CCDC88A: variants seen among roughly 807,000 people sequenced by gnomAD.
CCDC88A encodes girdin.
CCDC88A carries 54 observed loss-of-function variants against 234.3 expected under a neutral mutation model. That is an observed-to-expected ratio of 0.23 (90% CI 0.19 to 0.29). CCDC88A has a LOEUF of 0.29. CCDC88A is among the 10% of genes least tolerant of loss of function. CCDC88A has a pLI of 1.00. For missense variants in CCDC88A, 1,832 were observed against 2,123.4 expected (o/e 0.86, Z 2.70); for synonymous variants, 753 against 737.8 (o/e 1.02, Z -0.33).
intron 3 of CCDC88A, among the ~76,000 whole-genome samples, chr2:55,386,715 G>T (rs1262281759): frequency 6.6e-6 from 1 of 151,100 alleles, no homozygotes; most frequent in African/African-American, 2.4e-5. Context: ...CAAGTGATCC[G>T]CCCACCTCGG....
intron 2 of CCDC88A, among the ~76,000 whole-genome samples, chr2:55,398,832 T>TC (rs1400095963): frequency 1.3e-5 from 2 of 149,948 alleles, no homozygotes; most frequent in Non-Finnish European, 3.0e-5. Context: ...ACCATCGCAC[T>TC]CCCACCTGGG....
chr2:55,337,364 T>C (rs1390648103), intron 13 of CCDC88A: 2 of 152,186 alleles, frequency 1.3e-5, no homozygotes, highest in Non-Finnish European at 2.9e-5. Flanking sequence ...TTACGCATTT[T>C]AGAGATGAAA....
In CCDC88A at chr2:55,387,070, G is replaced by A. The variant is rs183312766; in HGVS notation, c.273+1708C>T. Among the ~76,000 whole-genome samples the A allele has an allele frequency of 6.2e-4, 93 of 150,968 alleles. 1 individual carries two copies. Among genetic ancestry groups the A allele is most frequent in the Non-Finnish European group, 1.2e-3 (79 of 67,782 alleles). ...TGGGCACCTGTAATCCCTGCTACTC[G>A]GGCAGCTGAGGCAGGAGAATTGCTG... is the stretch of plus-strand genomic sequence containing the variant. On this transcript the variant is annotated intron_variant, in intron 3 of 32. Coordinates refer to ENST00000436346, the MANE Select transcript of CCDC88A (RefSeq NM_001365480.1).
At chr2:55,337,164 A>G (rs145482232) in intron 13 of CCDC88A, 5,462 of 170,738 alleles carry the variant, frequency 0.032, 208 homozygotes, top group Admixed American at 0.12. Context: ...GTAAAATTTT[A>G]CTTATACTCA....
intron 7 of CCDC88A, among the ~76,000 whole-genome samples, chr2:55,360,246 T>C (rs1389039326): frequency 6.6e-6 from 1 of 152,122 alleles, no homozygotes; most frequent in Admixed American, 6.6e-5. Context: ...TGACCAAATA[T>C]ATACTTTTTA....
intron 8 of CCDC88A, among the ~76,000 whole-genome samples, chr2:55,351,942 G>A (rs1163409063): frequency 6.6e-6 from 1 of 152,064 alleles, no homozygotes; most frequent in African/African-American, 2.4e-5. Flanking sequence ...CCTGGAAAAC[G>A]TTATGCTAAA....
At chr2:55,344,308 A>C in intron 11 of CCDC88A, 60 bp downstream of exon 11, 1 of 1,241,674 alleles carries the variant, frequency 8.1e-7, no homozygotes, top group Non-Finnish European at 1.1e-6. Flanking sequence ...CAGGGAAATC[A>C]GCTGAATCTT....
intron 3 of CCDC88A, among the ~76,000 whole-genome samples, chr2:55,379,670 G>A (rs964894891): frequency 1.7e-4 from 26 of 152,354 alleles, no homozygotes; most frequent in African/African-American, 5.5e-4. Flanking sequence ...GCTCACGCCT[G>A]TAATCCCAGC....
intron 2 of CCDC88A, chr2:55,394,660 G>C (rs1395550644): frequency 8.9e-6 from 1 of 111,850 alleles, no homozygotes; most frequent in Non-Finnish European, 1.8e-5. Flanking sequence ...GACTGTTGTG[G>C]GGTGGGGGGA....
In CCDC88A at chr2:55,295,773, T is replaced by A; in HGVS notation, c.5375A>T (p.Gln1792Leu). Residue 1792 changes from glutamine (Q) to leucine (L), a missense_variant, in exon 31 of 33, where the codon CAA (glutamine) becomes CTA (leucine). Physicochemically the swap from Gln to Leu is moderately radical, Grantham distance 113. Coordinates refer to ENST00000436346, the MANE Select transcript of CCDC88A (RefSeq NM_001365480.1). ...KLVKESSLSR[Q>L]SKDSNPYATL... The stretch of plus-strand genomic sequence containing the variant: ...TGCATAAGGGTTACTATCTTTTGAT[T>A]GTCGTGACAGAGAAGATTCTTTTAC... The A allele has an allele frequency of 6.2e-7, 1 of 1,614,252 alleles. No individual in the cohort carries two copies. The highest frequency in any genetic ancestry group is 1.1e-5 in the South Asian group (1 of 91,088).
In CCDC88A at chr2:55,328,555, G is replaced by T; in HGVS notation, c.2856-120C>A. 3.2e-6 allele frequency: 2 copies of T among 623,974 alleles called. No homozygotes were observed. Among genetic ancestry groups the T allele is most frequent in the Non-Finnish European group, 5.1e-6 (2 of 392,878 alleles). 38.7% of individuals were successfully genotyped at this position (623,974 alleles called of 1,614,324 possible). The stretch of plus-strand genomic sequence containing the variant: ...GTCTTATAAAAGCATTTTTGTTAAA[G>T]AGGCAAATGAAATTATCCTCTTCTT... On this transcript the variant is annotated intron_variant, in intron 16 of 32. Transcript: ENST00000436346. The surrounding 1 kb of genome is among the most constrained non-coding windows in gnomAD (Gnocchi z 4.3).
At chr2:55,415,538 G>C (rs1317477057) in intron 2 of CCDC88A, among the ~76,000 whole-genome samples, 1 of 152,188 alleles carries the variant, frequency 6.6e-6, no homozygotes, top group East Asian at 1.9e-4. Flanking sequence ...CACAGAACAG[G>C]AAGAGGGGAA....
At chr2:55,383,192 C>T (rs1674892839) in intron 3 of CCDC88A, among the ~76,000 whole-genome samples, 1 of 152,092 alleles carries the variant, frequency 6.6e-6, no homozygotes, top group Non-Finnish European at 1.5e-5. Context: ...ATATTCTTTT[C>T]TCCCTGGGAA....
chr2:55,295,137 G>A (rs780371274), intron 31 of CCDC88A: 7 of 1,306,242 alleles, frequency 5.4e-6, no homozygotes, highest in South Asian at 4.9e-5. Flanking sequence ...TGTGTCATCA[G>A]GATAGAGGCA....
chr2:55,397,634 T>C (rs1375443567), intron 2 of CCDC88A, among the ~76,000 whole-genome samples: 1 of 152,030 alleles, frequency 6.6e-6, no homozygotes, highest in Non-Finnish European at 1.5e-5. Context: ...ATGTAAATGC[T>C]ATCTTTGTCC....
intron 5 of CCDC88A, among the ~76,000 whole-genome samples, chr2:55,370,073 A>G (rs1672592411): frequency 6.6e-6 from 1 of 152,162 alleles, no homozygotes; most frequent in Non-Finnish European, 1.5e-5. Flanking sequence ...TTTTCTTGGT[A>G]GATACATCAT....
At position 55,316,013 on chromosome 2, in the gene CCDC88A, G is replaced by C. The variant is rs1682937733; in HGVS notation, c.3848C>G (p.Thr1283Arg). The part of the protein sequence containing the change: ...SLLNNSKLEQ[T>R]RLEAEFSKLK... Reference sequence around the variant, plus strand: ...TTTTGAAAATTCAGCTTCTAATCTTGTTTGTTCCAGTTTGGAATTATTCAG... The same window carrying C: ...TTTTGAAAATTCAGCTTCTAATCTTCTTTGTTCCAGTTTGGAATTATTCAG... The change falls in exon 22 of 33, where the codon ACA (threonine) becomes AGA (arginine). Residue 1283 changes from threonine to arginine, a missense_variant. This residue lies in a region of CCDC88A where 1,282 missense variants were observed against 1,543.6 expected (regional missense o/e 0.83). Transcript: ENST00000436346. 1.3e-6 allele frequency: 2 copies of C among 1,584,794 alleles called. No individual in the cohort carries two copies. The highest frequency in any genetic ancestry group is 1.7e-6 in the Non-Finnish European group (2 of 1,163,672).
chr2:55,383,221 C>G (rs994989582), intron 3 of CCDC88A, among the ~76,000 whole-genome samples: 5 of 152,034 alleles, frequency 3.3e-5, no homozygotes, highest in African/African-American at 1.2e-4. Context: ...ACAAGATGAC[C>G]TTGATGCTTA....
chr2:55,382,566 T>C (rs1242454881), intron 3 of CCDC88A, among the ~76,000 whole-genome samples: 3 of 152,024 alleles, frequency 2.0e-5, no homozygotes, highest in African/African-American at 4.8e-5. Context: ...ATTCACCATC[T>C]CTCCCTTATT....
Sources: allele counts gnomAD v4.1 joint callset (sites outside exome capture counted in the v4.1 genomes callset), GRCh38; gene constraint gnomAD v4.1.1; regional missense constraint gnomAD v4.1.1; non-coding constraint Gnocchi (gnomAD v3.1); transcripts MANE v1.5; gene names NCBI Gene and HGNC (gene_info 2026-07-23, HGNC 2026-07-21).